The following ARFIP1 variants were observed in gnomAD, a reference collection of about 807,000 sequenced individuals.
The protein encoded by ARFIP1 is ARF interacting protein 1, also known as arfaptin-1.
ARFIP1 carries 24 observed loss-of-function variants against 42.5 expected under a neutral mutation model. That is an observed-to-expected ratio of 0.57 (90% CI 0.41 to 0.80). ARFIP1 has a LOEUF of 0.80. Ranked by LOEUF, ARFIP1 falls within the 30% of genes least tolerant of loss-of-function variation. The pLI is 0.00. For synonymous variants in ARFIP1, 141 were observed against 153.7 expected (o/e 0.92, Z 0.61); for missense variants, 354 against 434.0 (o/e 0.82, Z 1.64).
At chr4:152,815,735 C>T (rs1051424566) in intron 1 of ARFIP1, among the ~76,000 whole-genome samples, 3 of 143,148 alleles carry the variant, frequency 2.1e-5, no homozygotes, top group East Asian at 2.1e-4. Flanking sequence ...AATCTGACCA[C>T]TTCTTTTTTT....
At chr4:152,810,013 AT>A (rs1485372149) in intron 1 of ARFIP1, 1 of 152,240 alleles carries the variant, frequency 6.6e-6, no homozygotes, top group Non-Finnish European at 1.5e-5. Context: ...AAATAAAAAA[AT>A]GAATAAAATG....
At chr4:152,826,055 TAAAAC>T (rs1730808930) in intron 1 of ARFIP1, among the ~76,000 whole-genome samples, 1 of 151,272 alleles carries the variant, frequency 6.6e-6, no homozygotes, top group Non-Finnish European at 1.5e-5. Context: ...TTGCTGGTGA[TAAAAC>T]AGTATGTAGA....
chr4:152,847,414 T>A (rs932403904), intron 2 of ARFIP1, among the ~76,000 whole-genome samples: 1 of 152,050 alleles, frequency 6.6e-6, no homozygotes, highest in Admixed American at 6.6e-5. Context: ...ATTACAGGCA[T>A]GAGCCACTGC....
intron 1 of ARFIP1, among the ~76,000 whole-genome samples, chr4:152,805,368 C>T (rs1728921650): frequency 6.6e-6 from 1 of 152,172 alleles, no homozygotes; most frequent in African/African-American, 2.4e-5. Flanking sequence ...AACCAGAATC[C>T]AGGCCCACAT....
intron 1 of ARFIP1, among the ~76,000 whole-genome samples, chr4:152,815,854 C>T (rs1398241788): frequency 2.7e-5 from 4 of 150,796 alleles, no homozygotes; most frequent in Non-Finnish European, 5.9e-5. Flanking sequence ...ACGCCATTCT[C>T]CTGCCTCAGC....
chr4:152,786,413 TA>T (rs1417212221), intron 1 of ARFIP1, among the ~76,000 whole-genome samples: 1 of 152,242 alleles, frequency 6.6e-6, no homozygotes, highest in Admixed American at 6.5e-5. Flanking sequence ...CTTTTCATTG[TA>T]AAATCCAGAA....
intron 2 of ARFIP1, among the ~76,000 whole-genome samples, chr4:152,853,942 ACT>A (rs149357289): frequency 0.032 from 3,534 of 109,100 alleles, 89 homozygotes; most frequent in South Asian, 0.12. Context: ...ACTGAGTCTC[ACT>A]CTATCACCCA....
At chr4:152,878,291 T>G (rs1735533659) in intron 5 of ARFIP1, among the ~76,000 whole-genome samples, 1 of 152,254 alleles carries the variant, frequency 6.6e-6, no homozygotes, top group Non-Finnish European at 1.5e-5. Context: ...TTAAATAATT[T>G]AGATTGTTAA....
At chr4:152,877,104 C>A (rs1053901521) in intron 5 of ARFIP1, among the ~76,000 whole-genome samples, 3 of 152,308 alleles carry the variant, frequency 2.0e-5, no homozygotes, top group East Asian at 1.9e-4. Flanking sequence ...CCTACTGGGG[C>A]ACCTCCTAGT....
intron 1 of ARFIP1, chr4:152,796,819 ATT>A (rs1408763986): frequency 3.2e-6 from 2 of 620,846 alleles, no homozygotes; most frequent in African/African-American, 3.8e-5. Flanking sequence ...AATTCAATAT[ATT>A]CATTCTGTGG....
intron 1 of ARFIP1, chr4:152,796,534 A>G: frequency 3.9e-6 from 3 of 771,542 alleles, no homozygotes; most frequent in Non-Finnish European, 7.1e-6. Flanking sequence ...ATCATATTGG[A>G]AAGTACTTTA....
chr4:152,901,784 A>C (rs955342592), intron 8 of ARFIP1, among the ~76,000 whole-genome samples: 1 of 152,230 alleles, frequency 6.6e-6, no homozygotes, highest in Non-Finnish European at 1.5e-5. Flanking sequence ...GGAAGATTAT[A>C]TAAAAGTTTA....
chr4:152,786,483 TAA>T (rs1227340390), intron 1 of ARFIP1, among the ~76,000 whole-genome samples: 1 of 152,262 alleles, frequency 6.6e-6, no homozygotes, highest in Admixed American at 6.5e-5. Context: ...AACAAGTTTT[TAA>T]AGTCTTACTT....
intron 1 of ARFIP1, among the ~76,000 whole-genome samples, chr4:152,810,779 G>A (rs750658949): frequency 1.3e-5 from 2 of 152,226 alleles, no homozygotes; most frequent in East Asian, 1.9e-4. Context: ...TCACGCCACC[G>A]CACTCCAGCC....
chr4:152,822,296 T>TAAAAAAA (rs70949618), intron 1 of ARFIP1, among the ~76,000 whole-genome samples: 23 of 65,556 alleles, frequency 3.5e-4, no homozygotes, highest in African/African-American at 8.6e-4. Flanking sequence ...GCAACAGCAG[T>TAAAAAAA]AAAAAAAAAA....
At chr4:152,814,244 C>G (rs921180143) in intron 1 of ARFIP1, among the ~76,000 whole-genome samples, 5 of 151,978 alleles carry the variant, frequency 3.3e-5, no homozygotes, top group African/African-American at 7.3e-5. Flanking sequence ...GTGCGCACCA[C>G]CATGCCTAGC....
intron 1 of ARFIP1, among the ~76,000 whole-genome samples, chr4:152,826,716 C>A (rs1375602490): frequency 6.6e-6 from 1 of 152,238 alleles, no homozygotes; most frequent in Middle Eastern, 3.4e-3. Context: ...CAGGATCTTG[C>A]AGGATCTTGC....
chr4:152,889,529 ATATATACAC>A (rs1736556126), intron 8 of ARFIP1, among the ~76,000 whole-genome samples: 1 of 45,198 alleles, frequency 2.2e-5, no homozygotes. Context: ...ATATATATAT[ATATATACAC>A]CTATTTTTGT....
intron 1 of ARFIP1, chr4:152,796,933 G>T: frequency 3.3e-6 from 1 of 304,854 alleles, no homozygotes; most frequent in Admixed American, 5.0e-5. Flanking sequence ...GCCTTTTATG[G>T]TGTATGTTGC....
Sources: gnomAD v4.1 joint callset for allele counts (sites outside exome capture counted in the v4.1 genomes callset) on GRCh38, gnomAD v4.1.1 for gene constraint, MANE v1.5 for transcripts, NCBI Gene and HGNC (gene_info 2026-07-23, HGNC 2026-07-21) for gene names.